IPO9: variants seen among roughly 807,000 people sequenced by gnomAD.
IPO9 encodes the protein importin 9, also known as importin-9.
Under a neutral mutation model 128.6 loss-of-function variants are expected in IPO9, and 28 were observed. The ratio of observed to expected loss-of-function variants is 0.22; its 90% CI spans 0.16 to 0.30. IPO9 has a LOEUF of 0.30. IPO9 is among the 10% of genes least tolerant of loss of function. The pLI is 1.00. For missense variants in IPO9, 935 were observed against 1,293.9 expected (o/e 0.72, Z 4.26); for synonymous variants, 455 against 475.8 (o/e 0.96, Z 0.57).
At chr1:201,856,182 A>G (rs529181255) in intron 10 of IPO9, among the ~76,000 whole-genome samples, 13 of 134,754 alleles carry the variant, frequency 9.6e-5, no homozygotes, top group Admixed American at 5.8e-4. Context: ...TGCCCAGGCT[A>G]GTAGTCTCTA....
At chr1:201,835,877 C>T (rs1352097576) in intron 1 of IPO9, among the ~76,000 whole-genome samples, 1 of 151,978 alleles carries the variant, frequency 6.6e-6, no homozygotes, top group Non-Finnish European at 1.5e-5. Flanking sequence ...TTTGGGAGGC[C>T]GAGGAGGGCG....
At chr1:201,851,119 G>A (rs1680207843) in intron 4 of IPO9, among the ~76,000 whole-genome samples, 2 of 151,662 alleles carry the variant, frequency 1.3e-5, no homozygotes, top group East Asian at 1.9e-4. Flanking sequence ...GGGCTCAAGC[G>A]AGCCTCCTGC....
At chr1:201,869,561 C>G in intron 16 of IPO9, 29 bp from the exon 17 acceptor site, 1 of 1,612,798 alleles carries the variant, frequency 6.2e-7, no homozygotes, top group Non-Finnish European at 8.5e-7. Flanking sequence ...AGAGGCAATT[C>G]TGACTTTTCT....
rs753287844 is a variant in IPO9, at chr1:201,866,848, C to T, written c.1744C>T (p.Leu582=). The T allele has an allele frequency of 1.2e-6, 2 of 1,614,174 alleles. No homozygotes were observed. Among genetic ancestry groups the T allele is most frequent in the East Asian group, 4.5e-5 (2 of 44,880 alleles). The change falls in exon 15 of 24, where the codon CTG becomes TTG. Residue 582 remains leucine (L), a synonymous_variant. Coordinates refer to ENST00000361565, the MANE Select transcript of IPO9 (RefSeq NM_018085.5). ...CCAGTTCAGCTCAGAGGTCCTCAAC[C>T]TGGTGATGGAGACCCTGTGCATCGT... ...AAQFSSEVLN[L]VMETLCIVCT...
At chr1:201,832,148 G>T (rs191788863) in intron 1 of IPO9, among the ~76,000 whole-genome samples, 1 of 151,576 alleles carries the variant, frequency 6.6e-6, no homozygotes, top group African/African-American at 2.4e-5. Context: ...TGATCCACCC[G>T]CCTCGGCCTC....
chr1:201,854,474 T>C, intron 6 of IPO9, 121 bp from the exon 7 acceptor site: 1 of 1,246,032 alleles, frequency 8.0e-7, no homozygotes. Context: ...TATTCTCTTC[T>C]GATCAGGCTT....
At chr1:201,872,493 A>G (rs894313805) in intron 19 of IPO9, among the ~76,000 whole-genome samples, 1 of 151,998 alleles carries the variant, frequency 6.6e-6, no homozygotes, top group Non-Finnish European at 1.5e-5. Context: ...AGTCCCAGCT[A>G]CTTGGGAGGC....
chr1:201,871,618 C>T (rs1020199052), intron 19 of IPO9, among the ~76,000 whole-genome samples: 1 of 151,980 alleles, frequency 6.6e-6, no homozygotes, highest in African/African-American at 2.4e-5. Flanking sequence ...GTCTTGAACT[C>T]CTGACCTCAA....
intron 20 of IPO9, among the ~76,000 whole-genome samples, chr1:201,873,814 C>T (rs1000187189): frequency 3.3e-5 from 5 of 152,150 alleles, no homozygotes; most frequent in African/African-American, 1.2e-4. Flanking sequence ...CATTCAGAAG[C>T]GTGGGCACAG....
In IPO9 at chr1:201,869,607, G is replaced by C; in HGVS notation, c.2022G>C (p.Leu674=). The C allele has an allele frequency of 2.5e-6, 4 of 1,614,044 alleles. No homozygotes were observed. The highest frequency in any genetic ancestry group is 3.4e-6 in the Non-Finnish European group (4 of 1,179,994). Residue 674 remains leucine, a synonymous_variant, in exon 17 of 24, where the codon CTG becomes CTC. Transcript: ENST00000361565. ...AGLCATAIDI[L]TTVVRNTKPP... ...TCTTTCAGACAGCCATTGATATCCT[G>C]ACAACAGTAGTACGAAATACAAAGC...
chr1:201,837,267 A>T (rs1035296781), intron 1 of IPO9, among the ~76,000 whole-genome samples: 3 of 152,214 alleles, frequency 2.0e-5, no homozygotes, highest in Admixed American at 6.5e-5. Flanking sequence ...AGCTACTGTG[A>T]TCATCACTGG....
chr1:201,850,918 T>G (rs1156965541), intron 4 of IPO9: 1 of 152,160 alleles, frequency 6.6e-6, no homozygotes, highest in East Asian at 1.9e-4. Flanking sequence ...TTGTTCAAAA[T>G]TGTGGAGTAC....
At chr1:201,850,156 C>T (rs1422418459) in intron 4 of IPO9, among the ~76,000 whole-genome samples, 2 of 152,172 alleles carry the variant, frequency 1.3e-5, no homozygotes, top group Non-Finnish European at 2.9e-5. Flanking sequence ...ACTTTTCTGC[C>T]AGCCACAGGG....
chr1:201,857,023 C>T, intron 10 of IPO9, 73 bp from the exon 11 acceptor site: 2 of 959,256 alleles, frequency 2.1e-6, no homozygotes, highest in Non-Finnish European at 3.4e-6. Flanking sequence ...AGGTTGAAAT[C>T]TTCCTGTATC....
At position 201,856,083 on chromosome 1, in the gene IPO9, A is replaced by T. The variant is rs536850942; in HGVS notation, c.1122+149A>T. 4.5e-5 allele frequency: 27 copies of T among 596,512 alleles called. 1 individual carries two copies. Among genetic ancestry groups the T allele is most frequent in the Admixed American group, 3.6e-4 (9 of 25,084 alleles). The allele number at this position is 596,512 out of a possible 1,614,324, so 37.0% of individuals were successfully genotyped here. A position where few individuals can be genotyped will look rare whatever the true frequency, so the allele number is the denominator to read the frequency against. On this transcript the variant is annotated intron_variant, in intron 10 of 23. Coordinates refer to ENST00000361565, the MANE Select transcript of IPO9 (RefSeq NM_018085.5). ...GAAGTTCTGGGAAAGGTTTGACATC[A>T]TTTTATTGCCAAATCCAAGGTTTTG... is the stretch of plus-strand genomic sequence containing the variant.
In IPO9 at chr1:201,875,049, G is replaced by A. The variant is rs1185718842; in HGVS notation, c.2939-103G>A. Reference sequence around the variant, plus strand: ...GGTGGGCCCACAGGGACATTTCTTGGGCTTTTGCACCTTCCGCCTCAGTCA... The same window carrying A: ...GGTGGGCCCACAGGGACATTTCTTGAGCTTTTGCACCTTCCGCCTCAGTCA... On this transcript the variant is annotated intron_variant, in intron 22 of 23. Transcript: ENST00000361565. 2.9e-6 allele frequency: 4 copies of A among 1,366,038 alleles called. No homozygotes were observed. The African/African-American group carries it at 5.7e-5, about 20-fold the overall frequency. 84.6% of individuals were successfully genotyped at this position (1,366,038 alleles called of 1,614,324 possible).
rs985123388 is a variant in IPO9, at chr1:201,829,192, G to C, written c.-18G>C. The stretch of plus-strand genomic sequence containing the variant: ...GGCGGGTCCCGGCCGCGGGGCTGGC[G>C]GGCTGAGGGGAGAAAAGATGGCGGC... On this transcript the variant is annotated 5_prime_UTR_variant, in exon 1 of 24. Transcript: ENST00000361565. 2 of 1,502,840 alleles carry C rather than the reference G, an allele frequency of 1.3e-6. No homozygotes were observed. The highest frequency in any genetic ancestry group is 2.2e-5 in the Admixed American group (1 of 44,696). The allele number at this position is 1,502,840 out of a possible 1,614,324, so 93.1% of individuals were successfully genotyped here. A position where few individuals can be genotyped will look rare whatever the true frequency, so the allele number is the denominator to read the frequency against.
chr1:201,869,858 G>C (rs1680617002), intron 17 of IPO9, 140 bp downstream of exon 17: 8 of 1,099,976 alleles, frequency 7.3e-6, no homozygotes, highest in Non-Finnish European at 1.0e-5. Context: ...ATTCAGGAAG[G>C]GTTCAGTCTG....
intron 17 of IPO9, 38 bp downstream of exon 17, chr1:201,869,756 T>G (rs752584146): frequency 7.5e-6 from 12 of 1,610,118 alleles, no homozygotes; most frequent in Non-Finnish European, 1.0e-5. Context: ...GGAAGATAGC[T>G]CCCCAGCCAT....
Sources: gnomAD v4.1 joint callset for allele counts (sites outside exome capture counted in the v4.1 genomes callset) on GRCh38, gnomAD v4.1.1 for gene constraint, MANE v1.5 for transcripts, NCBI Gene and HGNC (gene_info 2026-07-23, HGNC 2026-07-21) for gene names.